Variants in TUBGCP4 observed in about 807,000 individuals in gnomAD.
TUBGCP4 encodes tubulin gamma complex component 4, also known as gamma-tubulin complex component 4.
In TUBGCP4, 54 loss-of-function variants were observed where a neutral mutation model predicts 91.6. That is an observed-to-expected ratio of 0.59 (90% CI 0.47 to 0.74). The LOEUF (loss-of-function observed/expected upper bound fraction) is 0.74. Ranked by LOEUF, TUBGCP4 falls within the 30% of genes least tolerant of loss-of-function variation. The probability of loss-of-function intolerance (pLI) is 0.00; values close to 1 mark genes in which losing one functional copy is unlikely to be tolerated. For missense variants in TUBGCP4, 593 were observed against 800.9 expected (o/e 0.74, Z 3.13); for synonymous variants, 297 against 302.8 (o/e 0.98, Z 0.20).
rs1266178755 is a variant in TUBGCP4 at position 43,406,656 on chromosome 15, G to A, written c.*1442G>A. On this transcript the variant is annotated 3_prime_UTR_variant, in exon 18 of 18. Transcript: ENST00000564079. ...AATGAGAAGCCATGCAGGGATCAGT[G>A]ATGCCAGAGGAAGGGAAGGAACTGC... 2.2e-6 allele frequency: 1 copy of A among 453,918 alleles called. No individual in the cohort carries two copies. The highest frequency in any genetic ancestry group is 4.4e-6 in the Non-Finnish European group (1 of 226,230). 28.1% of individuals were successfully genotyped at this position (453,918 alleles called of 1,614,324 possible).
intron 1 of TUBGCP4, among the ~76,000 whole-genome samples, chr15:43,373,613 A>C (rs920888411): frequency 2.0e-5 from 3 of 151,888 alleles, no homozygotes; most frequent in Non-Finnish European, 4.4e-5. Context: ...CAGGGATTCA[A>C]ACCCAGGCAG....
chr15:43,383,016 G>A (rs897861215), intron 6 of TUBGCP4, among the ~76,000 whole-genome samples: 4 of 151,938 alleles, frequency 2.6e-5, no homozygotes, highest in African/African-American at 9.7e-5. Context: ...TAAAACAGTT[G>A]TACATATTTA....
intron 14 of TUBGCP4, among the ~76,000 whole-genome samples, chr15:43,401,330 A>C (rs1186588592): frequency 1.3e-5 from 2 of 152,020 alleles, no homozygotes; most frequent in Non-Finnish European, 2.9e-5. Flanking sequence ...GGGCACCTGT[A>C]ATCTTAGCTA....
chr15:43,404,407 C>T lies in TUBGCP4; in HGVS notation c.1849-6C>T, dbSNP rs751172499. The T allele has an allele frequency of 1.9e-6, 3 of 1,614,096 alleles. No individual in the cohort carries two copies. In the South Asian group the frequency reaches 3.3e-5, roughly 18 times the overall value. The stretch of plus-strand genomic sequence containing the variant: ...TGGAATGACAGCTGAGTCCTTCTCT[C>T]TGCAGGGCTTTAGCCGCCAGTCTTC... On this transcript the variant is annotated splice_region_variant and splice_polypyrimidine_tract_variant and intron_variant, in intron 16 of 17. Coordinates refer to ENST00000564079, the MANE Select transcript of TUBGCP4 (RefSeq NM_014444.5).
chr15:43,379,969 A>G, intron 5 of TUBGCP4, 115 bp from the exon 6 acceptor site: 1 of 975,852 alleles, frequency 1.0e-6, no homozygotes, highest in Admixed American at 2.1e-5. Flanking sequence ...CTTAGGAGAA[A>G]GTTTATCCCC....
intron 1 of TUBGCP4, among the ~76,000 whole-genome samples, chr15:43,373,508 A>G (rs966702762): frequency 1.3e-5 from 2 of 152,166 alleles, no homozygotes; most frequent in Non-Finnish European, 2.9e-5. Context: ...AACTTATTTA[A>G]TCCTCACAAT....
Position 43,404,498 on chromosome 15 carries a change from TG to T in TUBGCP4, c.1935del (p.Leu646TyrfsTer3), listed in dbSNP as rs1234780641. On this transcript the variant is annotated frameshift_variant, in exon 17 of 18. Transcript: ENST00000564079. LOFTEE classifies it high-confidence loss of function. The part of the protein sequence containing the change: ...HQINSDLAQL[L>X]LRLDYNKYYT... ...ATCAACTCAGATTTGGCTCAACTACTGTTACGACTAGATTATAACAAATACT... is the reference window on the plus strand; with the variant it reads ...ATCAACTCAGATTTGGCTCAACTACTTTACGACTAGATTATAACAAATACT... 4 of 1,614,168 alleles carry T rather than the reference TG, an allele frequency of 2.5e-6. No homozygotes were observed. Among genetic ancestry groups the T allele is most frequent in the Non-Finnish European group, 3.4e-6 (4 of 1,180,026 alleles).
chr15:43,400,135 C>T lies in TUBGCP4; in HGVS notation c.1510C>T (p.Leu504Phe). 1 of 1,614,176 alleles carries T rather than the reference C, an allele frequency of 6.2e-7. No homozygotes were observed. The highest frequency in any genetic ancestry group is 1.1e-5 in the South Asian group (1 of 91,088). The change falls in exon 14 of 18, where the codon CTC (leucine) becomes TTC (phenylalanine). Residue 504 changes from leucine (L) to phenylalanine (F), a missense_variant. Transcript: ENST00000564079. ...CWALQMQRKHLKSNQTDAIKW... is the reference protein window; with the variant it reads ...CWALQMQRKHFKSNQTDAIKW... ...GGCCCTACAAATGCAGCGCAAGCAC[C>T]TCAAGTCGAACCAGACTGATGCAAT...
intron 17 of TUBGCP4, 85 bp from the exon 18 acceptor site, chr15:43,405,117 A>G: frequency 6.8e-7 from 1 of 1,480,728 alleles, no homozygotes; most frequent in South Asian, 1.2e-5. Flanking sequence ...CATTATTTAG[A>G]TCACAGGTTA....
Position 43,371,181 on chromosome 15 carries a change from C to A in TUBGCP4, c.-174C>A. The stretch of plus-strand genomic sequence containing the variant: ...TTCCGGGACTCCCCCGCGACCCCTT[C>A]CCAGCTTCCCGTCCGCTCCGCCGCA... On this transcript the variant is annotated 5_prime_UTR_variant, in exon 1 of 18. Transcript: ENST00000564079. 1.5e-6 allele frequency: 1 copy of A among 670,818 alleles called. No individual in the cohort carries two copies. The highest frequency in any genetic ancestry group is 1.7e-5 in the South Asian group (1 of 57,966). 41.6% of individuals were successfully genotyped at this position (670,818 alleles called of 1,614,324 possible).
chr15:43,405,093 C>A (rs2044822228), intron 17 of TUBGCP4, 109 bp from the exon 18 acceptor site: 3 of 1,291,314 alleles, frequency 2.3e-6, no homozygotes, highest in Non-Finnish European at 3.3e-6. Context: ...AGAAACTCTT[C>A]AGTTTTAAGA....
chr15:43,385,534 G>A (rs1184961366), intron 7 of TUBGCP4: 3 of 521,184 alleles, frequency 5.8e-6, no homozygotes, highest in Admixed American at 2.9e-5. Context: ...GACTGTGCAA[G>A]TTTTTACTCA....
chr15:43,408,275 C>T lies in TUBGCP4; in HGVS notation c.*3061C>T, dbSNP rs147527623. The T allele has an allele frequency of 1.7e-3, 1,006 of 575,144 alleles. 6 individuals carry two copies. The highest frequency in any genetic ancestry group is 0.016 in the African/African-American group (841 of 52,942). 35.6% of individuals were successfully genotyped at this position (575,144 alleles called of 1,614,324 possible). On this transcript the variant is annotated 3_prime_UTR_variant, in exon 18 of 18. Coordinates refer to ENST00000564079, the MANE Select transcript of TUBGCP4 (RefSeq NM_014444.5). ...GTTGGATCTCTTGGGCCTGGGAGTT[C>T]GAGACCAGCCTGGGCAATGTGGTGA...
In TUBGCP4 at chr15:43,377,893, A is replaced by G. The variant is rs758764950; in HGVS notation, c.431A>G (p.Lys144Arg). ...GTGATGGTTGTAGTAGAACAAATTA[A>G]AAGTCAAAAGGTGAGAACTTTCCTT... Reference protein sequence around the residue: ...PSVMVVVEQIKSQKIHGCQIL... With the variant: ...PSVMVVVEQIRSQKIHGCQIL... The change falls in exon 5 of 18, where the codon AAA becomes AGA. Residue 144 changes from lysine (K) to arginine (R), a missense_variant. Transcript: ENST00000564079. 8 of 1,605,168 alleles carry G rather than the reference A, an allele frequency of 5.0e-6. No individual in the cohort carries two copies. Among genetic ancestry groups the G allele is most frequent in the East Asian group, 2.2e-5 (1 of 44,530 alleles).
chr15:43,391,069 G>A (rs546199666), intron 9 of TUBGCP4, among the ~76,000 whole-genome samples: 41 of 149,112 alleles, frequency 2.7e-4, no homozygotes, highest in African/African-American at 6.5e-4. Context: ...TGTGTCGCCC[G>A]GGCTAGAGTG....
At chr15:43,374,773 G>C (rs1388488205) in intron 1 of TUBGCP4, among the ~76,000 whole-genome samples, 2 of 152,202 alleles carry the variant, frequency 1.3e-5, no homozygotes, top group East Asian at 1.9e-4. Flanking sequence ...TGTCAGTGCA[G>C]GGACGAATAG....
chr15:43,402,620 G>C (rs992400352), intron 15 of TUBGCP4: 1 of 152,180 alleles, frequency 6.6e-6, no homozygotes, highest in Non-Finnish European at 1.5e-5. Context: ...CTTCGTGGCA[G>C]TTATTTTCAA....
chr15:43,378,763 T>C (rs1566890579), intron 5 of TUBGCP4, among the ~76,000 whole-genome samples: 1 of 152,258 alleles, frequency 6.6e-6, no homozygotes, highest in African/African-American at 2.4e-5. Flanking sequence ...ACTGGCTGTG[T>C]ACTAGGCACT....
Position 43,407,170 on chromosome 15 carries a change from T to C in TUBGCP4, c.*1956T>C. The C allele has an allele frequency of 1.9e-6, 1 of 540,376 alleles. No individual in the cohort carries two copies. The highest frequency in any genetic ancestry group is 3.3e-6 in the Non-Finnish European group (1 of 302,564). 33.5% of individuals were successfully genotyped at this position (540,376 alleles called of 1,614,324 possible). A position where few individuals can be genotyped will look rare whatever the true frequency, so the allele number is the denominator to read the frequency against. On this transcript the variant is annotated 3_prime_UTR_variant, in exon 18 of 18. Coordinates refer to ENST00000564079, the MANE Select transcript of TUBGCP4 (RefSeq NM_014444.5). ...CAGAGAAAGTACTATGTCTTGTCATTTGTTCTGAGATTAAGCTCAAAAAAA... is the reference window on the plus strand; with the variant it reads ...CAGAGAAAGTACTATGTCTTGTCATCTGTTCTGAGATTAAGCTCAAAAAAA...
Sources: gnomAD v4.1 joint callset for allele counts (sites outside exome capture counted in the v4.1 genomes callset) on GRCh38, gnomAD v4.1.1 for gene constraint, MANE v1.5 for transcripts, NCBI Gene and HGNC (gene_info 2026-07-23, HGNC 2026-07-21) for gene names.